The following SLC13A3 variants were observed in gnomAD, a reference collection of about 807,000 sequenced individuals.
SLC13A3 encodes the protein Na(+)/dicarboxylate cotransporter 3.
Under a neutral mutation model 59.0 loss-of-function variants are expected in SLC13A3, and 40 were observed. That is an observed-to-expected ratio of 0.68 (90% CI 0.53 to 0.88). SLC13A3 has a LOEUF of 0.88. SLC13A3 is among the 40% of genes least tolerant of loss of function. SLC13A3 has a pLI of 0.00. For missense variants in SLC13A3, 699 were observed against 783.2 expected (o/e 0.89, Z 1.28); for synonymous variants, 317 against 330.3 (o/e 0.96, Z 0.44).
chr20:46,655,482 T>C (rs944795162), upstream of SLC13A3, among the ~76,000 whole-genome samples: 2 of 148,332 alleles, frequency 1.3e-5, no homozygotes, highest in African/African-American at 4.9e-5. Context: ...CATGTATATA[T>C]ATGTGTGTGT....
At chr20:46,617,469 CA>C (rs925889277) in intron 1 of SLC13A3, among the ~76,000 whole-genome samples, 3 of 150,918 alleles carry the variant, frequency 2.0e-5, no homozygotes, top group African/African-American at 4.9e-5. Context: ...AAAAACCAAA[CA>C]AAAAAAAACT....
chr20:46,620,078 G>A (rs1166813977), intron 1 of SLC13A3, among the ~76,000 whole-genome samples: 1 of 152,162 alleles, frequency 6.6e-6, no homozygotes, highest in Non-Finnish European at 1.5e-5. Context: ...CTTAATGTGT[G>A]TGCTTTCATC....
chr20:46,608,876 T>A, intron 3 of SLC13A3: 1 of 1,548,584 alleles, frequency 6.5e-7, no homozygotes, highest in Non-Finnish European at 8.7e-7. Context: ...GGCTCCTGTC[T>A]TTGGGTCCCA....
intron 2 of SLC13A3, 123 bp downstream of exon 2, chr20:46,613,337 A>G (rs541163881): frequency 7.0e-6 from 5 of 709,448 alleles, no homozygotes; most frequent in East Asian, 3.4e-5. Context: ...ATAAATAAAT[A>G]AATGGTGGGA....
At chr20:46,579,798 A>AT (rs1475635696) in intron 9 of SLC13A3, among the ~76,000 whole-genome samples, 1 of 152,210 alleles carries the variant, frequency 6.6e-6, no homozygotes, top group Non-Finnish European at 1.5e-5. Flanking sequence ...AAAAATCTAG[A>AT]TTTTTGGCTT....
At chr20:46,621,466 T>C (rs1283487147) in intron 1 of SLC13A3, among the ~76,000 whole-genome samples, 5 of 152,350 alleles carry the variant, frequency 3.3e-5, no homozygotes, top group African/African-American at 1.2e-4. Context: ...GCTGGTATCA[T>C]CATTACAAAA....
At chr20:46,594,129 C>G (rs1398958417) in intron 5 of SLC13A3, among the ~76,000 whole-genome samples, 1 of 151,814 alleles carries the variant, frequency 6.6e-6, no homozygotes, top group Admixed American at 6.6e-5. Context: ...ACCAGAGGGT[C>G]TGCATTTGAG....
At chr20:46,681,847 T>C (rs986695224) in intron 1 of SLC13A3, 1 of 152,214 alleles carries the variant, frequency 6.6e-6, no homozygotes, top group South Asian at 2.1e-4. Flanking sequence ...AGGTCTCTCT[T>C]CCTCTTATAA....
At chr20:46,619,308 T>C (rs958567169) in intron 1 of SLC13A3, among the ~76,000 whole-genome samples, 2 of 152,210 alleles carry the variant, frequency 1.3e-5, no homozygotes, top group Non-Finnish European at 2.9e-5. Context: ...CAAACCCAGT[T>C]GAGAGAGGTC....
rs145037966 is a variant in SLC13A3, at chr20:46,607,235, A to T, written c.541+3211T>A. The stretch of plus-strand genomic sequence containing the variant: ...ATAAAAAAATTAGCATGGTATCTGC[A>T]TGTGGTGGTTACTCAGAAAATGGGA... On this transcript the variant is annotated intron_variant, in intron 3 of 12. Coordinates refer to ENST00000279027, the MANE Select transcript of SLC13A3 (RefSeq NM_022829.6). Among the ~76,000 whole-genome samples, 355 of 152,340 alleles carry T rather than the reference A, an allele frequency of 2.3e-3. 2 individuals are homozygous for T. The highest frequency in any genetic ancestry group is 1.2e-3 in the Non-Finnish European group (85 of 68,020).
intron 2 of SLC13A3, among the ~76,000 whole-genome samples, chr20:46,612,077 C>T (rs74688812): frequency 9.0e-4 from 90 of 100,054 alleles, no homozygotes; most frequent in African/African-American, 3.3e-3. Context: ...TCTTTTTTTT[C>T]TTTCTGTCTT....
At chr20:46,599,688 T>C (rs1238087358) in intron 4 of SLC13A3, among the ~76,000 whole-genome samples, 1 of 152,232 alleles carries the variant, frequency 6.6e-6, no homozygotes, top group Non-Finnish European at 1.5e-5. Context: ...TCTTGCTTTT[T>C]TGGGTCTCTT....
chr20:46,583,729 C>T, intron 8 of SLC13A3, 60 bp from the exon 9 acceptor site: 2 of 1,600,908 alleles, frequency 1.2e-6, no homozygotes, highest in Non-Finnish European at 1.7e-6. Flanking sequence ...CGAGGTTTGG[C>T]AGAATTGTAA....
chr20:46,610,839 A>C (rs2062487151), intron 2 of SLC13A3, among the ~76,000 whole-genome samples: 1 of 152,116 alleles, frequency 6.6e-6, no homozygotes, highest in South Asian at 2.1e-4. Flanking sequence ...AAGACATCCC[A>C]AGCCTGACGT....
At chr20:46,598,383 G>GA (rs1326311770) in intron 4 of SLC13A3, among the ~76,000 whole-genome samples, 6 of 152,156 alleles carry the variant, frequency 3.9e-5, no homozygotes, top group Admixed American at 2.0e-4. Flanking sequence ...ATCGAAAAGA[G>GA]AAAAAGCAGA....
chr20:46,573,999 G>C (rs2062051056), intron 10 of SLC13A3, among the ~76,000 whole-genome samples: 1 of 152,158 alleles, frequency 6.6e-6, no homozygotes, highest in Non-Finnish European at 1.5e-5. Context: ...TCAGGGGTGA[G>C]ACGGAGCTCA....
At chr20:46,637,193 G>A (rs1402089372) in intron 1 of SLC13A3, among the ~76,000 whole-genome samples, 2 of 152,186 alleles carry the variant, frequency 1.3e-5, no homozygotes, top group East Asian at 3.9e-4. Flanking sequence ...GCGCAGTTGG[G>A]AAACCAGTGA....
chr20:46,680,590 G>A (rs559961992), intron 1 of SLC13A3, among the ~76,000 whole-genome samples: 1 of 152,300 alleles, frequency 6.6e-6, no homozygotes, highest in East Asian at 1.9e-4. Context: ...TCCCTTCCAG[G>A]CGTGACACCC....
At chr20:46,636,769 GC>G (rs1355943552) in intron 1 of SLC13A3, among the ~76,000 whole-genome samples, 2 of 151,822 alleles carry the variant, frequency 1.3e-5, no homozygotes, top group African/African-American at 2.4e-5. Context: ...TGCTTCTTGG[GC>G]CCTGGGCTCT....
Sources: allele counts gnomAD v4.1 joint callset (sites outside exome capture counted in the v4.1 genomes callset), GRCh38; gene constraint gnomAD v4.1.1; transcripts MANE v1.5; gene names NCBI Gene and HGNC (gene_info 2026-07-23, HGNC 2026-07-21).